CLEC4A: variants seen among roughly 807,000 people sequenced by gnomAD.
CLEC4A encodes C-type (calcium dependent, carbohydrate-recognition domain) lectin, superfamily member 6.
A neutral mutation model predicts 32.7 loss-of-function variants in CLEC4A; 27 were observed. The observed-to-expected ratio is 0.83, with a 90% CI of 0.61 to 1.14. The LOEUF is 1.14. CLEC4A is among the 50% of genes most tolerant of loss of function. The pLI is 0.00. For synonymous variants in CLEC4A, 89 were observed against 93.7 expected (o/e 0.95, Z 0.29); for missense variants, 253 against 274.6 (o/e 0.92, Z 0.55).
At position 8,134,986 on chromosome 12, in the gene CLEC4A, G is replaced by GTTTTTTGT. The variant is rs1948078463; in HGVS notation, c.299-593_299-592insGTTTTTTT. On this transcript the variant is annotated intron_variant, in intron 3 of 5. Transcript: ENST00000229332. ...TCTTGTTGAAGCGTTTTTGTTTTTT[G>GTTTTTTGT]TTTTTTTTTAATCATGGCTGCTTTT... The GTTTTTTGT allele has an allele frequency of 9.7e-4, 134 of 138,720 alleles. 6 individuals are homozygous for GTTTTTTGT. Among genetic ancestry groups the GTTTTTTGT allele is most frequent in the South Asian group, 1.8e-3 (4 of 2,250 alleles). 8.6% of individuals were successfully genotyped at this position (138,720 alleles called of 1,614,324 possible). A position where few individuals can be genotyped will look rare whatever the true frequency, so the allele number is the denominator to read the frequency against.
At chr12:8,105,203 T>G in the CLEC4A span, among the ~76,000 whole-genome samples, 1 of 152,200 alleles carries the variant, frequency 6.6e-6, no homozygotes, top group Admixed American at 6.5e-5. Flanking sequence ...CAGCAGTGTA[T>G]AAGTGTTCCC....
chr12:8,136,780 C>A lies in CLEC4A; in HGVS notation c.451-8C>A. 6.4e-7 allele frequency: 1 copy of A among 1,565,284 alleles called. No individual in the cohort carries two copies. The highest frequency in any genetic ancestry group is 8.8e-7 in the Non-Finnish European group (1 of 1,135,836). Reference sequence around the variant, plus strand: ...TAAAGGCTGTGACTCCTTCTTTTCCCCCCTCAGGATTTCATCTTCCAGAAT... The same window carrying A: ...TAAAGGCTGTGACTCCTTCTTTTCCACCCTCAGGATTTCATCTTCCAGAAT... On this transcript the variant is annotated splice_region_variant and splice_polypyrimidine_tract_variant and intron_variant, in intron 4 of 5. Coordinates refer to ENST00000229332, the MANE Select transcript of CLEC4A (RefSeq NM_016184.4).
chr12:8,138,505 G>A lies in CLEC4A; in HGVS notation c.*218G>A. 2.0e-6 allele frequency: 1 copy of A among 501,650 alleles called. No individual in the cohort carries two copies. Among genetic ancestry groups the A allele is most frequent in the Non-Finnish European group, 3.5e-6 (1 of 287,436 alleles). 31.1% of individuals were successfully genotyped at this position (501,650 alleles called of 1,614,324 possible). A position where few individuals can be genotyped will look rare whatever the true frequency, so the allele number is the denominator to read the frequency against. On this transcript the variant is annotated 3_prime_UTR_variant, in exon 6 of 6. Transcript: ENST00000229332. ...TTTTCATGTGCCAGAGCCTGTACTG[G>A]AGGCCCCCATTGTGCACACATGGAG...
upstream of CLEC4A, among the ~76,000 whole-genome samples, chr12:8,119,042 T>C (rs143398392): frequency 7.6e-3 from 1,158 of 152,330 alleles, 19 homozygotes; most frequent in African/African-American, 0.026. Context: ...ATTTCTCTTC[T>C]TTATAAATTA....
Position 8,134,979 on chromosome 12 carries a change from G to GTTTTTTTTTTTTTTTTTTTTTTTTT in CLEC4A, c.299-600_299-599insTTTTTTTTTTTTTTTTTTTTTTTTT, listed in dbSNP as rs1591611840. On this transcript the variant is annotated intron_variant, in intron 3 of 5. Coordinates refer to ENST00000229332, the MANE Select transcript of CLEC4A (RefSeq NM_016184.4). Reference sequence around the variant, plus strand: ...TGTATCTTCTTGTTGAAGCGTTTTTGTTTTTTGTTTTTTTTTAATCATGGC... The same window carrying GTTTTTTTTTTTTTTTTTTTTTTTTT: ...TGTATCTTCTTGTTGAAGCGTTTTTGTTTTTTTTTTTTTTTTTTTTTTTTTTTTTTTGTTTTTTTTTAATCATGGC... The GTTTTTTTTTTTTTTTTTTTTTTTTT allele has an allele frequency of 1.0e-4, 17 of 166,018 alleles. 1 individual carries two copies. The highest frequency in any genetic ancestry group is 5.1e-4 in the Admixed American group (2 of 3,956). 10.3% of individuals were successfully genotyped at this position (166,018 alleles called of 1,614,324 possible).
At chr12:8,134,980 TTTTTTG>T in intron 3 of CLEC4A, 1 of 282,568 alleles carries the variant, frequency 3.5e-6, no homozygotes, top group Non-Finnish European at 5.4e-6. Flanking sequence ...AGCGTTTTTG[TTTTTTG>T]TTTTTTTTTA....
At chr12:8,104,910 CT>C in the CLEC4A span, among the ~76,000 whole-genome samples, 2 of 152,086 alleles carry the variant, frequency 1.3e-5, no homozygotes, top group Admixed American at 6.6e-5. Flanking sequence ...TGTTCTTTTT[CT>C]TTTTTTATGG....
chr12:8,129,513 C>T lies in CLEC4A; in HGVS notation c.298+151C>T, dbSNP rs1420312971. On this transcript the variant is annotated intron_variant, in intron 3 of 5. Coordinates refer to ENST00000229332, the MANE Select transcript of CLEC4A (RefSeq NM_016184.4). ...CAAATGTACAAATATCTAGGACATGCTGGGCATGGTGGCTCACACCTGTAA... is the reference window on the plus strand; with the variant it reads ...CAAATGTACAAATATCTAGGACATGTTGGGCATGGTGGCTCACACCTGTAA... The T allele has an allele frequency of 7.6e-6, 5 of 654,194 alleles. No individual in the cohort carries two copies. In the East Asian group the frequency reaches 8.6e-5, roughly 11 times the overall value. The allele number at this position is 654,194 out of a possible 1,614,324, so 40.5% of individuals were successfully genotyped here. A position where few individuals can be genotyped will look rare whatever the true frequency, so the allele number is the denominator to read the frequency against.
Position 8,125,310 on chromosome 12 carries a change from T to TTA in CLEC4A, c.83-249_83-248dup, listed in dbSNP as rs1299486637. The stretch of plus-strand genomic sequence containing the variant: ...TGCTAGAAAGATATATACCAAAATA[T>TTA]TATGGTATATTATAAGTTATATGGC... On this transcript the variant is annotated intron_variant, in intron 1 of 5. Transcript: ENST00000229332. Among the ~76,000 whole-genome samples the TTA allele has an allele frequency of 4.6e-5, 7 of 152,274 alleles. 1 individual carries two copies. In the Middle Eastern group the frequency reaches 0.01, roughly 222 times the overall value.
intron 1 of CLEC4A, 61 bp downstream of exon 1, chr12:8,124,021 A>T (rs915605906): frequency 1.0e-5 from 11 of 1,094,266 alleles, no homozygotes; most frequent in Admixed American, 1.7e-5. Flanking sequence ...GAGAGGGTTT[A>T]TGAATAAGGC....
chr12:8,136,959 G>C, intron 5 of CLEC4A, 56 bp downstream of exon 5: 2 of 1,159,384 alleles, frequency 1.7e-6, no homozygotes, highest in Non-Finnish European at 2.5e-6. Flanking sequence ...AGAGAGCTTA[G>C]GGTATTCTAG....
At chr12:8,125,277 C>A (rs1565402682) in intron 1 of CLEC4A, among the ~76,000 whole-genome samples, 2 of 151,974 alleles carry the variant, frequency 1.3e-5, no homozygotes, top group South Asian at 4.2e-4. Flanking sequence ...TATATACATT[C>A]AAAAAATTGC....
chr12:8,109,027 T>C, the CLEC4A span, among the ~76,000 whole-genome samples: 3 of 152,160 alleles, frequency 2.0e-5, no homozygotes, highest in Non-Finnish European at 4.4e-5. Context: ...GCAACTGAAA[T>C]AGTTGTAGGA....
At chr12:8,103,373 G>GTGTTTTTTT in the CLEC4A span, among the ~76,000 whole-genome samples, 2 of 78,034 alleles carry the variant, frequency 2.6e-5, no homozygotes, top group Non-Finnish European at 4.7e-5. Flanking sequence ...GTTTCTTTCT[G>GTGTTTTTTT]TTGTTTTTTT....
chr12:8,136,191 A>G (rs1948113441), intron 4 of CLEC4A, among the ~76,000 whole-genome samples: 5 of 152,238 alleles, frequency 3.3e-5, no homozygotes, highest in Admixed American at 3.3e-4. Context: ...TCTCATGTAC[A>G]ACTTTGAAGA....
At chr12:8,112,748 C>T in the CLEC4A span, among the ~76,000 whole-genome samples, 1 of 151,910 alleles carries the variant, frequency 6.6e-6, no homozygotes, top group African/African-American at 2.4e-5. Flanking sequence ...AGATTGAGAC[C>T]TAATTTTAAG....
At chr12:8,134,780 C>G in intron 3 of CLEC4A, 4 of 1,551,084 alleles carry the variant, frequency 2.6e-6, no homozygotes, top group Non-Finnish European at 3.5e-6. Flanking sequence ...CCGGCTCCGG[C>G]CCCCCTGGCC....
chr12:8,124,549 CTG>C (rs1475089783), intron 1 of CLEC4A, among the ~76,000 whole-genome samples: 1 of 152,152 alleles, frequency 6.6e-6, no homozygotes, highest in African/African-American at 2.4e-5. Flanking sequence ...GAGACAGACT[CTG>C]TTACGTTTGG....
At chr12:8,129,460 A>T in intron 3 of CLEC4A, 98 bp downstream of exon 3, 1 of 808,256 alleles carries the variant, frequency 1.2e-6, no homozygotes, top group Non-Finnish European at 2.1e-6. Flanking sequence ...TCATACTGAA[A>T]AGTTGAGTCT....
Sources: allele counts gnomAD v4.1 joint callset (sites outside exome capture counted in the v4.1 genomes callset), GRCh38; gene constraint gnomAD v4.1.1; transcripts MANE v1.5; gene names NCBI Gene and HGNC (gene_info 2026-07-23, HGNC 2026-07-21).